The following AGMO variants were observed in gnomAD, a reference collection of about 807,000 sequenced individuals.
The protein encoded by AGMO is alkylglycerol monooxygenase.
A neutral mutation model predicts 60.2 loss-of-function variants in AGMO; 75 were observed. That is an observed-to-expected ratio of 1.25 (90% CI 1.03 to 1.51). The LOEUF is 1.51. Ranked by LOEUF, AGMO falls within the 40% of genes most tolerant of loss-of-function variation. The pLI is 0.00. For missense variants in AGMO, 763 were observed against 525.5 expected (o/e 1.45, Z -4.42); for synonymous variants, 261 against 177.1 (o/e 1.47, Z -3.76).
chr7:15,422,728 G>T (rs1358591573), intron 4 of AGMO, among the ~76,000 whole-genome samples: 1 of 152,082 alleles, frequency 6.6e-6, no homozygotes, highest in African/African-American at 2.4e-5. Flanking sequence ...TAGGGGTCAG[G>T]TGTATCTGAA....
At chr7:15,231,867 A>G (rs917082898) in intron 12 of AGMO, among the ~76,000 whole-genome samples, 14 of 152,180 alleles carry the variant, frequency 9.2e-5, no homozygotes, top group African/African-American at 3.4e-4. Flanking sequence ...AGGAGTGGTC[A>G]AAGTAACACA....
At chr7:15,247,248 AAAT>A (rs1373611112) in intron 12 of AGMO, among the ~76,000 whole-genome samples, 2 of 151,994 alleles carry the variant, frequency 1.3e-5, no homozygotes, top group Non-Finnish European at 2.9e-5. Context: ...AAAAAAATGC[AAAT>A]AATTATATGT....
chr7:15,497,531 G>A (rs1332460354), intron 3 of AGMO, among the ~76,000 whole-genome samples: 1 of 151,926 alleles, frequency 6.6e-6, no homozygotes, highest in Non-Finnish European at 1.5e-5. Flanking sequence ...AATACAGTGT[G>A]GCATCCCATA....
At chr7:15,304,638 A>G (rs1419698525) in intron 12 of AGMO, among the ~76,000 whole-genome samples, 1 of 151,774 alleles carries the variant, frequency 6.6e-6, no homozygotes, top group East Asian at 1.9e-4. Flanking sequence ...ATCTGTTTCA[A>G]AAGTCCCTGA....
intron 3 of AGMO, among the ~76,000 whole-genome samples, chr7:15,446,754 G>T (rs907108292): frequency 6.6e-6 from 1 of 152,122 alleles, no homozygotes; most frequent in Admixed American, 6.5e-5. Context: ...AGCATTTTTG[G>T]CAGTTAGATA....
chr7:15,135,776 T>G, the AGMO span, among the ~76,000 whole-genome samples: 64,930 of 151,396 alleles, frequency 0.43, 14,233 homozygotes, highest in South Asian at 0.56. Context: ...TAGACAATAT[T>G]CCAACTTTAA....
At chr7:15,400,493 A>G (rs4719444) in intron 5 of AGMO, among the ~76,000 whole-genome samples, 15,632 of 152,064 alleles carry the variant, frequency 0.1, 1,006 homozygotes, top group South Asian at 0.18. Context: ...CGTGCTCTAG[A>G]CCTTTACTGT....
intron 12 of AGMO, among the ~76,000 whole-genome samples, chr7:15,325,005 A>C (rs1007907187): frequency 6.6e-6 from 1 of 152,204 alleles, no homozygotes; most frequent in African/African-American, 2.4e-5. Context: ...AATTAAAAAA[A>C]AATTTTTGAG....
chr7:15,248,214 A>ATATATATATATATATATATATG lies in AGMO; in HGVS notation c.1264-46856_1264-46855insCATATATATATATATATATATA, dbSNP rs1402723880. Reference sequence around the variant, plus strand: ...TATATATATATATATATATATATATATATATATATATCTTCATCTTCAATT... The same window carrying ATATATATATATATATATATATG: ...TATATATATATATATATATATATATATATATATATATATATATATATGTATATATATATCTTCATCTTCAATT... On this transcript the variant is annotated intron_variant, in intron 12 of 12. Coordinates refer to ENST00000342526, the MANE Select transcript of AGMO (RefSeq NM_001004320.2). Among the ~76,000 whole-genome samples, 232 of 71,144 alleles carry ATATATATATATATATATATATG rather than the reference A, an allele frequency of 3.3e-3. 33 individuals carry two copies. The highest frequency in any genetic ancestry group is 5.5e-3 in the Non-Finnish European group (185 of 33,612). The allele number at this position is 71,144 out of a possible 152,430, so 46.7% of individuals were successfully genotyped here.
At chr7:15,357,133 A>T (rs2128557284) in intron 12 of AGMO, among the ~76,000 whole-genome samples, 1 of 151,508 alleles carries the variant, frequency 6.6e-6, no homozygotes, top group South Asian at 2.1e-4. Flanking sequence ...AGAAAAAAAT[A>T]GACATTTGGA....
At chr7:15,316,053 C>T (rs1435655091) in intron 12 of AGMO, among the ~76,000 whole-genome samples, 2 of 152,034 alleles carry the variant, frequency 1.3e-5, no homozygotes, top group African/African-American at 2.4e-5. Context: ...TGGTTTCCAA[C>T]GCCAGGGAAT....
Position 15,418,594 on chromosome 7 carries a change from T to C in AGMO, c.573A>G (p.Gln191=), listed in dbSNP as rs747881131. The change falls in exon 5 of 13, where the codon CAA becomes CAG. Residue 191 remains glutamine (Q), a synonymous_variant. Coordinates refer to ENST00000342526, the MANE Select transcript of AGMO (RefSeq NM_001004320.2). ...TCCAAAATTGGTAAAGAAGATTGAA[T>C]TGAAGATGAACAGCATATACTGAAG... ...IPPSVYAVHL[Q]FNLLYQFWIH... is the part of the protein sequence containing the mutation. 8.2e-6 allele frequency: 13 copies of C among 1,589,422 alleles called. No individual in the cohort carries two copies. The highest frequency in any genetic ancestry group is 3.4e-5 in the South Asian group (3 of 87,164).
intron 2 of AGMO, 106 bp from the exon 3 acceptor site, chr7:15,545,029 T>C (rs771837725): frequency 7.5e-6 from 6 of 801,128 alleles, no homozygotes; most frequent in Non-Finnish European, 1.1e-5. Context: ...TATAAAAAAA[T>C]GAAACTCTTT....
chr7:15,489,459 G>A (rs770350590), intron 3 of AGMO, among the ~76,000 whole-genome samples: 3 of 152,138 alleles, frequency 2.0e-5, no homozygotes, highest in Non-Finnish European at 4.4e-5. Flanking sequence ...CACATGTACA[G>A]TACATCCTGG....
At position 15,201,183 on chromosome 7, in the gene AGMO, T is replaced by C. The variant is rs953176363; in HGVS notation, c.*102A>G. On this transcript the variant is annotated 3_prime_UTR_variant, in exon 13 of 13. Coordinates refer to ENST00000342526, the MANE Select transcript of AGMO (RefSeq NM_001004320.2). ...GTAATTTTACTTTTCATTGAAGAAA[T>C]AGTTCATATAAGCATTACATAAAAT... 7 of 622,484 alleles carry C rather than the reference T, an allele frequency of 1.1e-5. No individual in the cohort carries two copies. Among genetic ancestry groups the C allele is most frequent in the African/African-American group, 5.8e-5 (3 of 52,132 alleles). The allele number at this position is 622,484 out of a possible 1,614,324, so 38.6% of individuals were successfully genotyped here.
intron 3 of AGMO, among the ~76,000 whole-genome samples, chr7:15,492,330 C>G (rs73679633): frequency 6.7e-6 from 1 of 148,520 alleles, no homozygotes; most frequent in African/African-American, 2.5e-5. Context: ...GATTGCAAAC[C>G]CTTGCAAGTC....
At position 15,544,576 on chromosome 7, in the gene AGMO, C is replaced by T. The variant is rs893823885; in HGVS notation, c.409+196G>A. Among the ~76,000 whole-genome samples, 4 of 152,170 alleles carry T rather than the reference C, an allele frequency of 2.6e-5. No individual in the cohort carries two copies. The East Asian group carries it at 7.7e-4, about 29-fold the overall frequency. ...GAAAAAAATGTACTTCCAATAATTT[C>T]ATATCATTTTTAAAATATGGCTTCA... On this transcript the variant is annotated intron_variant, in intron 3 of 12. Transcript: ENST00000342526.
intron 3 of AGMO, among the ~76,000 whole-genome samples, chr7:15,464,292 T>C (rs1377811260): frequency 2.6e-5 from 4 of 152,180 alleles, no homozygotes; most frequent in Non-Finnish European, 5.9e-5. Flanking sequence ...TATTTGGTCA[T>C]TTGCCATAAA....
At chr7:15,546,003 G>C (rs972971398) in intron 2 of AGMO, among the ~76,000 whole-genome samples, 2 of 152,036 alleles carry the variant, frequency 1.3e-5, no homozygotes, top group African/African-American at 4.8e-5. Flanking sequence ...AAGTGGTGCA[G>C]ATTATTATAC....
Sources: gnomAD v4.1 joint callset for allele counts (sites outside exome capture counted in the v4.1 genomes callset) on GRCh38, gnomAD v4.1.1 for gene constraint, MANE v1.5 for transcripts, NCBI Gene and HGNC (gene_info 2026-07-23, HGNC 2026-07-21) for gene names.